Variants in MEI4 observed in about 807,000 individuals in gnomAD.
MEI4 encodes the protein meiosis-specific protein MEI4.
A neutral mutation model predicts 31.4 loss-of-function variants in MEI4; 27 were observed. The ratio of observed to expected loss-of-function variants is 0.86; its 90% CI spans 0.63 to 1.19. MEI4 has a LOEUF of 1.19. MEI4 is among the 50% of genes most tolerant of loss of function. The probability of loss-of-function intolerance (pLI) is 0.00; values close to 1 mark genes in which losing one functional copy is unlikely to be tolerated. For synonymous variants in MEI4, 122 were observed against 145.4 expected (o/e 0.84, Z 1.16); for missense variants, 329 against 398.9 (o/e 0.82, Z 1.49).
chr6:77,712,474 G>A (rs7752164), intron 2 of MEI4, among the ~76,000 whole-genome samples: 114,492 of 152,078 alleles, frequency 0.75, 43,321 homozygotes, highest in East Asian at 0.86. Context: ...ACTAGAACAC[G>A]TCTTGGAAAT....
At chr6:77,922,046 T>C (rs968141095) in intron 4 of MEI4, among the ~76,000 whole-genome samples, 6 of 151,716 alleles carry the variant, frequency 4.0e-5, no homozygotes, top group African/African-American at 1.5e-4. Context: ...AACCTTCAAT[T>C]TGAAAAAATT....
intron 4 of MEI4, among the ~76,000 whole-genome samples, chr6:77,854,031 G>A (rs1770692889): frequency 6.6e-6 from 1 of 152,126 alleles, no homozygotes; most frequent in Admixed American, 6.6e-5. Flanking sequence ...TAAAGAGACT[G>A]TGTTAATTCT....
At chr6:77,678,518 G>A (rs564294885) in intron 1 of MEI4, among the ~76,000 whole-genome samples, 1 of 152,212 alleles carries the variant, frequency 6.6e-6, no homozygotes, top group African/African-American at 2.4e-5. Flanking sequence ...TAATGAAGCT[G>A]AAAAATCCTT....
intron 3 of MEI4, among the ~76,000 whole-genome samples, chr6:77,817,276 T>TG (rs1230483959): frequency 1.3e-5 from 2 of 152,186 alleles, no homozygotes; most frequent in Non-Finnish European, 2.9e-5. Flanking sequence ...GCATACTTGC[T>TG]GTTTCACAAG....
intron 2 of MEI4, among the ~76,000 whole-genome samples, chr6:77,759,933 T>G (rs1414128135): frequency 1.3e-5 from 2 of 152,194 alleles, no homozygotes; most frequent in Non-Finnish European, 2.9e-5. Context: ...ACAGCCATAT[T>G]TCTCATATTT....
At chr6:77,767,754 C>T (rs764714158) in intron 3 of MEI4, among the ~76,000 whole-genome samples, 44 of 152,036 alleles carry the variant, frequency 2.9e-4, no homozygotes, top group Non-Finnish European at 5.0e-4. Context: ...TGCAATTTTA[C>T]TTTAATTAGA....
chr6:77,707,703 A>T (rs192421936), intron 2 of MEI4, among the ~76,000 whole-genome samples: 1 of 152,316 alleles, frequency 6.6e-6, no homozygotes, highest in Admixed American at 6.5e-5. Flanking sequence ...TGGTTTTCTG[A>T]GTCAGGCCCA....
intron 1 of MEI4, among the ~76,000 whole-genome samples, chr6:77,659,956 A>G (rs1160568290): frequency 6.6e-6 from 1 of 152,118 alleles, no homozygotes; most frequent in African/African-American, 2.4e-5. Flanking sequence ...ATAAGGAGAA[A>G]GGTTTTTTAA....
intron 1 of MEI4, among the ~76,000 whole-genome samples, chr6:77,669,368 T>C (rs1219104467): frequency 6.6e-6 from 1 of 152,214 alleles, no homozygotes; most frequent in African/African-American, 2.4e-5. Context: ...ATGATTTTTC[T>C]TTCATAAGTT....
chr6:77,734,113 G>T (rs1407238277), intron 2 of MEI4, among the ~76,000 whole-genome samples: 1 of 152,048 alleles, frequency 6.6e-6, no homozygotes, highest in Non-Finnish European at 1.5e-5. Flanking sequence ...TGTTGATTTG[G>T]GGTGGAGAGT....
intron 2 of MEI4, among the ~76,000 whole-genome samples, chr6:77,707,409 G>A (rs1766357267): frequency 6.6e-6 from 1 of 152,152 alleles, no homozygotes. Context: ...AGATGTCAGA[G>A]CAAAGTAATA....
At chr6:77,898,023 TTATG>T (rs924003212) in intron 4 of MEI4, among the ~76,000 whole-genome samples, 14 of 152,028 alleles carry the variant, frequency 9.2e-5, no homozygotes, top group African/African-American at 3.1e-4. Context: ...CTCATTGATT[TTATG>T]TATGTAAGTA....
intron 3 of MEI4, among the ~76,000 whole-genome samples, chr6:77,810,820 A>G (rs941390424): frequency 6.6e-6 from 1 of 152,078 alleles, no homozygotes; most frequent in South Asian, 2.1e-4. Context: ...TCTTGTTTGT[A>G]TTTTGGATGT....
intron 2 of MEI4, among the ~76,000 whole-genome samples, chr6:77,701,708 G>A (rs775226498): frequency 6.6e-6 from 1 of 152,020 alleles, no homozygotes; most frequent in Non-Finnish European, 1.5e-5. Flanking sequence ...AGGATGAGCA[G>A]TTGGCCAGAG....
chr6:77,734,766 C>T (rs181233569), intron 2 of MEI4, among the ~76,000 whole-genome samples: 4,499 of 151,964 alleles, frequency 0.03, 268 homozygotes, highest in African/African-American at 0.1. Context: ...TTTGCAGTGG[C>T]TGTTACTGGT....
intron 2 of MEI4, among the ~76,000 whole-genome samples, chr6:77,693,858 T>A (rs913606613): frequency 5.3e-5 from 8 of 152,094 alleles, no homozygotes; most frequent in African/African-American, 1.7e-4. Context: ...TACATATTTT[T>A]TCTAGAATTT....
At chr6:77,888,891 T>C (rs1771688490) in intron 4 of MEI4, among the ~76,000 whole-genome samples, 1 of 152,092 alleles carries the variant, frequency 6.6e-6, no homozygotes, top group African/African-American at 2.4e-5. Context: ...TGAATTCTCA[T>C]GAGATCTGAT....
At chr6:77,705,132 A>G (rs1218157392) in intron 2 of MEI4, among the ~76,000 whole-genome samples, 2 of 152,150 alleles carry the variant, frequency 1.3e-5, no homozygotes, top group Non-Finnish European at 2.9e-5. Context: ...GGATCTAACA[A>G]TTGGGTGTTG....
chr6:77,734,165 T>G lies in MEI4; in HGVS notation c.233-26965T>G, dbSNP rs571599462. ...AGGTCCGCTTGGTGCAGAGCTGAGT[T>G]CAATTCCTGGGTATCCTTGTTGACT... On this transcript the variant is annotated intron_variant, in intron 2 of 4. Transcript: ENST00000684080. Among the ~76,000 whole-genome samples the G allele has an allele frequency of 1.1e-4, 17 of 152,098 alleles. 1 individual carries two copies. Among genetic ancestry groups the G allele is most frequent in the Admixed American group, 1.1e-3 (17 of 15,282 alleles).
Sources: allele counts gnomAD v4.1 joint callset (sites outside exome capture counted in the v4.1 genomes callset), GRCh38; gene constraint gnomAD v4.1.1; transcripts MANE v1.5; gene names NCBI Gene and HGNC (gene_info 2026-07-23, HGNC 2026-07-21).